The following MDGA2 variants were observed in gnomAD, a reference collection of about 807,000 sequenced individuals.
MDGA2 encodes the protein MAM domain-containing glycosylphosphatidylinositol anchor protein 2.
MDGA2 carries 40 observed loss-of-function variants against 117.8 expected under a neutral mutation model. The observed-to-expected ratio is 0.34, with a 90% CI of 0.26 to 0.44. MDGA2 has a LOEUF of 0.44. Ranked by LOEUF, MDGA2 falls within the 20% of genes least tolerant of loss-of-function variation. MDGA2 has a pLI of 1.00. For synonymous variants in MDGA2, 452 were observed against 439.0 expected, an observed-to-expected ratio of 1.03 and a Z score of -0.37; for missense variants, 1,123 against 1,250.6, an observed-to-expected ratio of 0.90 and a Z score of 1.54.
intron 2 of MDGA2, among the ~76,000 whole-genome samples, chr14:47,241,257 G>A (rs766772433): frequency 5.9e-5 from 9 of 151,892 alleles, no homozygotes; most frequent in Non-Finnish European, 1.0e-4. Context: ...CGAAAGCTAA[G>A]TCTGTGCTTT....
At chr14:47,179,981 T>A (rs114794125) in intron 3 of MDGA2, among the ~76,000 whole-genome samples, 1 of 151,512 alleles carries the variant, frequency 6.6e-6, no homozygotes, top group African/African-American at 2.4e-5. Context: ...TCTAATAAAT[T>A]TGACTTATTT....
intron 14 of MDGA2, among the ~76,000 whole-genome samples, chr14:46,857,389 G>A (rs547464140): frequency 1.2e-4 from 18 of 150,940 alleles, no homozygotes; most frequent in Non-Finnish European, 1.8e-4. Flanking sequence ...AATTCAGGCG[G>A]GTTTTTTTTC....
chr14:47,558,347 C>T (rs977248280), intron 1 of MDGA2, among the ~76,000 whole-genome samples: 1 of 152,118 alleles, frequency 6.6e-6, no homozygotes, highest in Non-Finnish European at 1.5e-5. Flanking sequence ...TAATATAATG[C>T]TAGTTTTGAT....
chr14:47,135,218 T>C (rs1424570879), intron 4 of MDGA2, among the ~76,000 whole-genome samples: 1 of 152,066 alleles, frequency 6.6e-6, no homozygotes, highest in African/African-American at 2.4e-5. Context: ...GGCAATTAAT[T>C]ACAGATATAA....
intron 2 of MDGA2, among the ~76,000 whole-genome samples, chr14:47,243,901 A>G (rs10484190): frequency 0.17 from 26,095 of 151,688 alleles, 2,817 homozygotes; most frequent in South Asian, 0.27. Flanking sequence ...TAGCTACACC[A>G]TTATTCTCTC....
chr14:47,212,120 T>C (rs1265634044), intron 3 of MDGA2, among the ~76,000 whole-genome samples: 1 of 152,114 alleles, frequency 6.6e-6, no homozygotes, highest in Admixed American at 6.6e-5. Context: ...GAAATTAACC[T>C]AAAGAGTTTT....
chr14:47,608,864 G>A (rs577983133), intron 1 of MDGA2, among the ~76,000 whole-genome samples: 11 of 152,076 alleles, frequency 7.2e-5, no homozygotes, highest in Non-Finnish European at 8.8e-5. Flanking sequence ...CAGAGAAACC[G>A]GCTGGATTCT....
chr14:47,413,243 T>G (rs1405820448), intron 1 of MDGA2, among the ~76,000 whole-genome samples: 1 of 152,228 alleles, frequency 6.6e-6, no homozygotes, highest in Non-Finnish European at 1.5e-5. Flanking sequence ...AAGCACATGC[T>G]TTAATTACTC....
intron 1 of MDGA2, among the ~76,000 whole-genome samples, chr14:47,531,599 G>A (rs1019142525): frequency 2.6e-5 from 4 of 152,054 alleles, no homozygotes; most frequent in Admixed American, 2.0e-4. Flanking sequence ...AGAATTAAAT[G>A]AATTTATCTC....
intron 1 of MDGA2, among the ~76,000 whole-genome samples, chr14:47,494,526 T>G (rs1260727786): frequency 6.6e-6 from 1 of 152,226 alleles, no homozygotes; most frequent in Non-Finnish European, 1.5e-5. Flanking sequence ...GTGCAGAAGC[T>G]TTTTAGTTTA....
intron 5 of MDGA2, among the ~76,000 whole-genome samples, chr14:47,116,482 G>C (rs1881337289): frequency 6.6e-6 from 1 of 152,006 alleles, no homozygotes; most frequent in African/African-American, 2.4e-5. Context: ...AACAAAGCAG[G>C]AGTTAGCACA....
chr14:47,326,057 A>G (rs1485405931), intron 1 of MDGA2, among the ~76,000 whole-genome samples: 2 of 152,160 alleles, frequency 1.3e-5, no homozygotes, highest in Non-Finnish European at 2.9e-5. Flanking sequence ...GATGACAGCA[A>G]TGTGAATTTG....
chr14:46,963,122 T>C (rs969042668), intron 8 of MDGA2, among the ~76,000 whole-genome samples: 6 of 152,312 alleles, frequency 3.9e-5, no homozygotes, highest in African/African-American at 1.4e-4. Flanking sequence ...GGTATGTGAA[T>C]TGATGGTTAA....
chr14:47,668,095 A>T (rs1898009299), intron 1 of MDGA2, among the ~76,000 whole-genome samples: 1 of 152,208 alleles, frequency 6.6e-6, no homozygotes, highest in African/African-American at 2.4e-5. Context: ...GGAATATATC[A>T]TTTGGATGTT....
intron 14 of MDGA2, among the ~76,000 whole-genome samples, chr14:46,862,734 G>C (rs1050217082): frequency 1.3e-5 from 2 of 151,920 alleles, no homozygotes; most frequent in Non-Finnish European, 2.9e-5. Flanking sequence ...ATGAGGATGT[G>C]CCAAAATCAT....
chr14:47,025,001 A>G (rs1360944542), intron 8 of MDGA2, among the ~76,000 whole-genome samples: 1 of 152,196 alleles, frequency 6.6e-6, no homozygotes. Context: ...ATGAAGGAAG[A>G]ATACAGGCAC....
At chr14:47,523,134 C>T (rs1894903555) in intron 1 of MDGA2, among the ~76,000 whole-genome samples, 1 of 152,052 alleles carries the variant, frequency 6.6e-6, no homozygotes, top group Non-Finnish European at 1.5e-5. Flanking sequence ...GCCTGTGCTC[C>T]CTACCTAGGC....
intron 8 of MDGA2, among the ~76,000 whole-genome samples, chr14:46,964,836 A>G (rs1480269460): frequency 6.6e-6 from 1 of 151,954 alleles, no homozygotes; most frequent in Non-Finnish European, 1.5e-5. Context: ...TTCTTACAAA[A>G]GGAGAAATTT....
intron 9 of MDGA2, among the ~76,000 whole-genome samples, chr14:46,948,466 G>A (rs1255195833): frequency 6.6e-6 from 1 of 151,862 alleles, no homozygotes; most frequent in African/African-American, 2.4e-5. Flanking sequence ...CTACTCTTCA[G>A]TTTTCTCCCT....
Sources: allele counts gnomAD v4.1 joint callset (sites outside exome capture counted in the v4.1 genomes callset), GRCh38; gene constraint gnomAD v4.1.1; transcripts MANE v1.5; gene names NCBI Gene and HGNC (gene_info 2026-07-23, HGNC 2026-07-21).